KHDRBS2: variants seen among roughly 807,000 people sequenced by gnomAD.
KHDRBS2 encodes KH domain-containing, RNA-binding, signal transduction-associated protein 2.
A neutral mutation model predicts 44.3 loss-of-function variants in KHDRBS2; 26 were observed. That is an observed-to-expected ratio of 0.59 (90% CI 0.43 to 0.81). The LOEUF (loss-of-function observed/expected upper bound fraction) is 0.81. Ranked by LOEUF, KHDRBS2 falls within the 40% of genes least tolerant of loss-of-function variation. The pLI, the probability that KHDRBS2 is intolerant of heterozygous loss-of-function variation, is 0.00. For synonymous variants in KHDRBS2, 194 were observed against 151.1 expected, an observed-to-expected ratio of 1.28 and a Z score of -2.08; for missense variants, 476 against 433.1, an observed-to-expected ratio of 1.10 and a Z score of -0.88.
In KHDRBS2 at chr6:61,884,290, A is replaced by T. The variant is rs1234606505; in HGVS notation, c.810+10345T>A. ...AGAGAAACTTCTCAAAAATTTGTCA[A>T]AATGCTTTTTATACATTAGGTTAGC... On this transcript the variant is annotated intron_variant, in intron 6 of 8. Coordinates refer to ENST00000281156, the MANE Select transcript of KHDRBS2 (RefSeq NM_152688.4). Among the ~76,000 whole-genome samples the T allele has an allele frequency of 3.9e-5, 6 of 152,210 alleles. 1 individual carries two copies. The highest frequency in any genetic ancestry group is 1.2e-4 in the African/African-American group (5 of 41,552).
chr6:61,764,814 T>C (rs1779761936), intron 6 of KHDRBS2, among the ~76,000 whole-genome samples: 1 of 152,188 alleles, frequency 6.6e-6, no homozygotes, highest in African/African-American at 2.4e-5. Context: ...AAAACTGTTC[T>C]TCCTTTCTGT....
rs1169028200 is a variant in KHDRBS2, at chr6:61,850,645, A to G, written c.810+43990T>C. Among the ~76,000 whole-genome samples the G allele has an allele frequency of 3.9e-5, 6 of 152,168 alleles. No individual in the cohort carries two copies. In the East Asian group the frequency reaches 1.2e-3, roughly 29 times the overall value. On this transcript the variant is annotated intron_variant, in intron 6 of 8. Transcript: ENST00000281156. Reference sequence around the variant, plus strand: ...CAAAATTTATGTAAAACACACAGAGAATTTTTTCCAATAAAATTTAGTTAT... The same window carrying G: ...CAAAATTTATGTAAAACACACAGAGGATTTTTTCCAATAAAATTTAGTTAT...
the KHDRBS2 span, among the ~76,000 whole-genome samples, chr6:61,653,132 C>G: frequency 6.6e-6 from 1 of 151,970 alleles, no homozygotes; most frequent in Non-Finnish European, 1.5e-5. Context: ...TTTAGATGGA[C>G]ACTGAAAATA....
At chr6:62,241,955 T>C (rs1291351941) in intron 1 of KHDRBS2, among the ~76,000 whole-genome samples, 2 of 152,166 alleles carry the variant, frequency 1.3e-5, no homozygotes, top group Non-Finnish European at 2.9e-5. Flanking sequence ...AAATGTCAAC[T>C]TGTAGCATTT....
intron 6 of KHDRBS2, among the ~76,000 whole-genome samples, chr6:61,845,836 C>A (rs1394480550): frequency 6.6e-6 from 1 of 152,126 alleles, no homozygotes; most frequent in Non-Finnish European, 1.5e-5. Context: ...ACTATCATTT[C>A]CAGGTGATAT....
chr6:61,553,562 C>T, the KHDRBS2 span, among the ~76,000 whole-genome samples: 21 of 151,948 alleles, frequency 1.4e-4, no homozygotes, highest in Non-Finnish European at 2.9e-4. Context: ...GGTTGGTTTG[C>T]TCTTGTTTCT....
rs145615844 is a variant in KHDRBS2 at position 61,697,209 on chromosome 6, G to A, written c.938C>T (p.Ala313Val). Residue 313 changes from alanine to valine, a missense_variant, in exon 8 of 9, where the codon GCC becomes GTC. Physicochemically the swap from Ala to Val is moderately conservative, Grantham distance 64. Coordinates refer to ENST00000281156, the MANE Select transcript of KHDRBS2 (RefSeq NM_152688.4). ...AAAGGTCTTACCGTAGCTGTCATAG[G>A]CATCCTCACTTACTCCATGACCGTA... ...YDYGHGVSED[A>V]YDSYAPEEWA... 30 of 1,607,150 alleles carry A rather than the reference G, an allele frequency of 1.9e-5. No homozygotes were observed. In the African/African-American group the frequency reaches 3.5e-4, roughly 19 times the overall value.
chr6:62,027,651 G>A (rs1294948454), intron 3 of KHDRBS2, among the ~76,000 whole-genome samples: 4 of 152,004 alleles, frequency 2.6e-5, no homozygotes, highest in African/African-American at 9.7e-5. Flanking sequence ...TTTAAAGAAT[G>A]ACTTAATCAT....
chr6:61,778,589 G>T (rs111297147), intron 6 of KHDRBS2, among the ~76,000 whole-genome samples: 2 of 152,248 alleles, frequency 1.3e-5, no homozygotes, highest in African/African-American at 4.8e-5. Flanking sequence ...CAGGTGCCAC[G>T]TGATGCCATA....
At chr6:61,545,044 A>C in the KHDRBS2 span, among the ~76,000 whole-genome samples, 1 of 152,080 alleles carries the variant, frequency 6.6e-6, no homozygotes, top group African/African-American at 2.4e-5. Flanking sequence ...ACAAACCTGC[A>C]CGTTGGGCAC....
intron 2 of KHDRBS2, among the ~76,000 whole-genome samples, chr6:62,132,197 A>C (rs1426621773): frequency 2.6e-5 from 4 of 152,182 alleles, no homozygotes; most frequent in Non-Finnish European, 2.9e-5. Flanking sequence ...GATTTGATGA[A>C]TACATGGAAG....
chr6:61,938,654 C>G (rs1811502287), intron 4 of KHDRBS2, among the ~76,000 whole-genome samples: 2 of 152,118 alleles, frequency 1.3e-5, no homozygotes, highest in South Asian at 4.1e-4. Context: ...GATGAAGGCT[C>G]AGACTAGTAG....
rs1562196815 is a variant in KHDRBS2 at position 61,795,178 on chromosome 6, A to AAAG, written c.811-62415_811-62414insCTT. Among the ~76,000 whole-genome samples the AAAG allele has an allele frequency of 1.5e-5, 2 of 134,946 alleles. 1 individual carries two copies. The highest frequency in any genetic ancestry group is 5.7e-5 in the African/African-American group (2 of 35,284). 88.5% of individuals were successfully genotyped at this position (134,946 alleles called of 152,430 possible). On this transcript the variant is annotated intron_variant, in intron 6 of 8. Coordinates refer to ENST00000281156, the MANE Select transcript of KHDRBS2 (RefSeq NM_152688.4). ...AAAAAAAAAAAAAAAAAAGAAAAAC[A>AAAG]TATTTTAGTTTTTCTACACTACTTT... is the stretch of plus-strand genomic sequence containing the variant.
chr6:61,646,140 A>T, the KHDRBS2 span, among the ~76,000 whole-genome samples: 1 of 152,152 alleles, frequency 6.6e-6, no homozygotes, highest in Non-Finnish European at 1.5e-5. Context: ...GCGTTCAATC[A>T]CTCTATGGTG....
chr6:61,636,670 A>T, the KHDRBS2 span, among the ~76,000 whole-genome samples: 1 of 152,138 alleles, frequency 6.6e-6, no homozygotes, highest in Non-Finnish European at 1.5e-5. Context: ...TCCACAATAT[A>T]TACGATGGCT....
intron 4 of KHDRBS2, among the ~76,000 whole-genome samples, chr6:61,922,487 C>A (rs1213650020): frequency 1.3e-5 from 2 of 151,970 alleles, no homozygotes; most frequent in South Asian, 2.1e-4. Flanking sequence ...TGAAGAGGAT[C>A]TTTTTTGGAG....
intron 6 of KHDRBS2, among the ~76,000 whole-genome samples, chr6:61,792,676 C>T (rs1195692678): frequency 1.3e-5 from 2 of 151,626 alleles, no homozygotes; most frequent in Admixed American, 6.6e-5. Context: ...AATTAGAAAA[C>T]ACACCAAAAA....
chr6:61,707,904 A>G (rs1769856463), intron 7 of KHDRBS2, among the ~76,000 whole-genome samples: 2 of 151,806 alleles, frequency 1.3e-5, no homozygotes, highest in Admixed American at 1.3e-4. Flanking sequence ...TAATTCCTAT[A>G]GAGTTAAAAA....
intron 6 of KHDRBS2, among the ~76,000 whole-genome samples, chr6:61,834,477 T>C (rs1289763975): frequency 1.3e-5 from 2 of 152,064 alleles, no homozygotes; most frequent in African/African-American, 4.8e-5. Flanking sequence ...CTGATTCTGG[T>C]TTAATTTTCT....
Sources: allele counts gnomAD v4.1 joint callset (sites outside exome capture counted in the v4.1 genomes callset), GRCh38; gene constraint gnomAD v4.1.1; transcripts MANE v1.5; gene names NCBI Gene and HGNC (gene_info 2026-07-23, HGNC 2026-07-21).